TRPM3: variants seen among roughly 807,000 people sequenced by gnomAD.
TRPM3 encodes transient receptor potential cation channel subfamily M member 3.
TRPM3 carries 77 observed loss-of-function variants against 181.2 expected under a neutral mutation model. The observed-to-expected ratio is 0.42, with a 90% CI of 0.35 to 0.51. The LOEUF (loss-of-function observed/expected upper bound fraction) is 0.51. Among genes scored for constraint, TRPM3 ranks in the 20% least tolerant of loss-of-function variants. The pLI is 0.01. For missense variants in TRPM3, 1,759 were observed against 2,196.7 expected (o/e 0.80, Z 3.98); for synonymous variants, 745 against 796.4 (o/e 0.94, Z 1.09).
intron 9 of TRPM3, among the ~76,000 whole-genome samples, chr9:70,668,713 C>T (rs7040965): frequency 0.31 from 44,397 of 142,078 alleles, 7,203 homozygotes; most frequent in East Asian, 0.48. Flanking sequence ...ATAGTAACTT[C>T]TATATTAGTT....
intron 7 of TRPM3, among the ~76,000 whole-genome samples, chr9:70,778,734 G>A (rs910375772): frequency 6.6e-6 from 1 of 152,086 alleles, no homozygotes; most frequent in Non-Finnish European, 1.5e-5. Context: ...ACAAACCACT[G>A]AGATCAATTA....
chr9:71,203,443 T>A (rs901113192), intron 1 of TRPM3, among the ~76,000 whole-genome samples: 26 of 152,200 alleles, frequency 1.7e-4, no homozygotes, highest in Non-Finnish European at 2.4e-4. Flanking sequence ...ATATATACAG[T>A]CCAGTCTGTT....
chr9:70,598,316 A>G (rs546322464), intron 21 of TRPM3, 103 bp downstream of exon 21: 1 of 1,479,556 alleles, frequency 6.8e-7, no homozygotes, highest in South Asian at 1.3e-5. Flanking sequence ...GGGCCATCTC[A>G]TTTAGACTTT....
At chr9:71,205,941 T>C (rs984134892) in intron 1 of TRPM3, among the ~76,000 whole-genome samples, 3 of 152,156 alleles carry the variant, frequency 2.0e-5, no homozygotes, top group African/African-American at 7.2e-5. Context: ...CAAATGAAAC[T>C]CTGGCTCTTA....
At chr9:71,333,107 A>C (rs1207876878) in intron 1 of TRPM3, among the ~76,000 whole-genome samples, 1 of 151,884 alleles carries the variant, frequency 6.6e-6, no homozygotes. Flanking sequence ...ATATTTCTAT[A>C]AAAAAGATAG....
At position 70,555,329 on chromosome 9, in the gene TRPM3, C is replaced by T. The variant is rs529131064; in HGVS notation, c.3224-2019G>A. Among the ~76,000 whole-genome samples, 3 of 152,334 alleles carry T rather than the reference C, an allele frequency of 2.0e-5. No homozygotes were observed. The East Asian group carries it at 5.8e-4, about 29-fold the overall frequency. ...CCTTACAATCCCAGAGCACCCTCTG[C>T]CTGCCCTTTTGGGGGTCTCTCACAC... is the stretch of plus-strand genomic sequence containing the variant. On this transcript the variant is annotated intron_variant, in intron 22 of 25. Transcript: ENST00000677713.
At chr9:70,777,367 C>G (rs1002380244) in intron 7 of TRPM3, among the ~76,000 whole-genome samples, 7 of 151,956 alleles carry the variant, frequency 4.6e-5, no homozygotes, top group African/African-American at 1.7e-4. Flanking sequence ...TTTTCCTCTC[C>G]GTGGTGCTTT....
chr9:70,847,443 C>A (rs572085939), intron 3 of TRPM3, among the ~76,000 whole-genome samples: 24 of 152,124 alleles, frequency 1.6e-4, no homozygotes, highest in African/African-American at 5.1e-4. Context: ...ATTGAGACTC[C>A]TAAACAAAGA....
intron 1 of TRPM3, among the ~76,000 whole-genome samples, chr9:70,974,033 T>C (rs567186747): frequency 1.3e-5 from 2 of 152,300 alleles, no homozygotes; most frequent in Admixed American, 6.5e-5. Flanking sequence ...GAATTATACT[T>C]ACAAATGTTA....
intron 1 of TRPM3, among the ~76,000 whole-genome samples, chr9:71,316,867 GA>G (rs1017356334): frequency 1.4e-4 from 21 of 151,912 alleles, no homozygotes; most frequent in Admixed American, 4.6e-4. Context: ...TCATCGTAAA[GA>G]AAAAAAATCC....
At chr9:70,669,945 C>A (rs1353192054) in intron 9 of TRPM3, among the ~76,000 whole-genome samples, 1 of 152,016 alleles carries the variant, frequency 6.6e-6, no homozygotes, top group Non-Finnish European at 1.5e-5. Flanking sequence ...CCATGTTTCC[C>A]AGGCTGGTCT....
At chr9:70,921,701 C>A (rs2096655014) in intron 1 of TRPM3, among the ~76,000 whole-genome samples, 2 of 152,110 alleles carry the variant, frequency 1.3e-5, no homozygotes, top group African/African-American at 4.8e-5. Flanking sequence ...CGTTCTTGTG[C>A]ATGTTCTCTC....
At chr9:70,776,391 C>G (rs754950657) in intron 7 of TRPM3, 11 of 698,868 alleles carry the variant, frequency 1.6e-5, no homozygotes, top group Non-Finnish European at 2.4e-5. Flanking sequence ...CTGAGAGGAC[C>G]GTCATTCGCC....
intron 3 of TRPM3, among the ~76,000 whole-genome samples, chr9:70,858,642 A>G (rs967252605): frequency 6.6e-6 from 1 of 152,046 alleles, no homozygotes; most frequent in Admixed American, 6.6e-5. Context: ...TCAGAAAGAA[A>G]GAAAGGTTTA....
chr9:70,672,163 T>C (rs987575171), intron 9 of TRPM3, among the ~76,000 whole-genome samples: 1 of 152,182 alleles, frequency 6.6e-6, no homozygotes, highest in Non-Finnish European at 1.5e-5. Flanking sequence ...AACCCTGACA[T>C]GAATACAGCT....
intron 1 of TRPM3, among the ~76,000 whole-genome samples, chr9:70,989,516 T>G (rs914919124): frequency 2.6e-5 from 4 of 152,180 alleles, no homozygotes; most frequent in African/African-American, 9.7e-5. Context: ...TGTAAACAGC[T>G]TTCTCCCTTA....
At chr9:70,828,757 A>G (rs1391651561) in intron 5 of TRPM3, among the ~76,000 whole-genome samples, 1 of 142,790 alleles carries the variant, frequency 7.0e-6, no homozygotes, top group African/African-American at 2.6e-5. Flanking sequence ...TAGTTGCTCT[A>G]TACATGTTAT....
chr9:71,208,537 G>A (rs1458727393), intron 1 of TRPM3, among the ~76,000 whole-genome samples: 1 of 152,192 alleles, frequency 6.6e-6, no homozygotes, highest in Non-Finnish European at 1.5e-5. Context: ...CAAAGGCCAA[G>A]TTTGGTTTGC....
intron 1 of TRPM3, among the ~76,000 whole-genome samples, chr9:71,442,751 T>G (rs2094151412): frequency 6.6e-6 from 1 of 152,176 alleles, no homozygotes; most frequent in East Asian, 1.9e-4. Flanking sequence ...AAATTTGAGA[T>G]GAAATAAAAA....
Sources: allele counts gnomAD v4.1 joint callset (sites outside exome capture counted in the v4.1 genomes callset), GRCh38; gene constraint gnomAD v4.1.1; transcripts MANE v1.5; gene names NCBI Gene and HGNC (gene_info 2026-07-23, HGNC 2026-07-21).